Variants in TNIK observed in about 807,000 individuals in gnomAD.
TNIK encodes TRAF2 and NCK interacting kinase.
TNIK carries 49 observed loss-of-function variants against 191.3 expected under a neutral mutation model. The observed-to-expected ratio is 0.26, with a 90% confidence interval of 0.20 to 0.32. The LOEUF (loss-of-function observed/expected upper bound fraction) is 0.32. Ranked by LOEUF, TNIK falls within the 10% of genes least tolerant of loss-of-function variation. TNIK has a pLI of 1.00. For missense variants in TNIK, 1,155 were observed against 1,702.3 expected, an observed-to-expected ratio of 0.68 and a Z score of 5.66; for synonymous variants, 594 against 600.9, an observed-to-expected ratio of 0.99 and a Z score of 0.17.
At chr3:171,171,120 C>T (rs1411961846) in intron 9 of TNIK, among the ~76,000 whole-genome samples, 2 of 152,040 alleles carry the variant, frequency 1.3e-5, no homozygotes, top group African/African-American at 2.4e-5. Context: ...AATTATTTCA[C>T]GTATGGGTTA....
At chr3:171,130,833 T>G (rs2108591052) in intron 15 of TNIK, among the ~76,000 whole-genome samples, 1 of 152,138 alleles carries the variant, frequency 6.6e-6, no homozygotes, top group African/African-American at 2.4e-5. Context: ...ATATGCAGAG[T>G]GAGGAATACT....
At chr3:171,301,524 A>G (rs1752878386) in intron 2 of TNIK, among the ~76,000 whole-genome samples, 1 of 152,212 alleles carries the variant, frequency 6.6e-6, no homozygotes, top group African/African-American at 2.4e-5. Context: ...CATATTGACC[A>G]GGCTGGTCTC....
chr3:171,365,296 C>T (rs1222781267), intron 2 of TNIK, among the ~76,000 whole-genome samples: 1 of 146,990 alleles, frequency 6.8e-6, no homozygotes, highest in South Asian at 2.2e-4. Flanking sequence ...GATTTTCCTG[C>T]GTCAGCCTTC....
chr3:171,405,769 T>C (rs529986802), intron 1 of TNIK, among the ~76,000 whole-genome samples: 10 of 152,186 alleles, frequency 6.6e-5, no homozygotes, highest in Non-Finnish European at 1.2e-4. Flanking sequence ...AAGAGTATGA[T>C]ATCTTGGTAA....
At chr3:171,226,680 C>G (rs1024455786) in intron 3 of TNIK, among the ~76,000 whole-genome samples, 2 of 151,176 alleles carry the variant, frequency 1.3e-5, no homozygotes, top group Non-Finnish European at 3.0e-5. Flanking sequence ...ATATTTAAGA[C>G]AAATAAAAAG....
At chr3:171,440,985 G>T (rs1025984786) in intron 1 of TNIK, among the ~76,000 whole-genome samples, 1 of 152,112 alleles carries the variant, frequency 6.6e-6, no homozygotes, top group Non-Finnish European at 1.5e-5. Context: ...AATGATTATC[G>T]TTATGTTTGT....
At chr3:171,331,893 CATTTT>C (rs1372415630) in intron 2 of TNIK, among the ~76,000 whole-genome samples, 4 of 152,038 alleles carry the variant, frequency 2.6e-5, no homozygotes, top group Admixed American at 6.6e-5. Context: ...TAGAAAACCC[CATTTT>C]ATATTATTTT....
At chr3:171,094,043 T>C in intron 22 of TNIK, 75 bp from the exon 23 acceptor site, 1 of 1,527,934 alleles carries the variant, frequency 6.5e-7, no homozygotes, top group East Asian at 2.3e-5. Flanking sequence ...ATTCATTATT[T>C]TTGTTATGGT....
At chr3:171,240,192 C>T (rs1021192180) in intron 2 of TNIK, among the ~76,000 whole-genome samples, 6 of 152,136 alleles carry the variant, frequency 3.9e-5, no homozygotes, top group African/African-American at 1.2e-4. Context: ...CATCAGGGAT[C>T]GTGAGACGGG....
intron 2 of TNIK, among the ~76,000 whole-genome samples, chr3:171,333,253 A>G (rs1756585565): frequency 6.6e-6 from 1 of 152,066 alleles, no homozygotes; most frequent in African/African-American, 2.4e-5. Context: ...AAAAAGAAGA[A>G]GAATCTAAGA....
intron 1 of TNIK, among the ~76,000 whole-genome samples, chr3:171,418,899 C>T (rs1053078461): frequency 6.6e-6 from 1 of 152,134 alleles, no homozygotes; most frequent in Admixed American, 6.5e-5. Flanking sequence ...AATCTCAGAT[C>T]GTGGTCCAGC....
intron 7 of TNIK, among the ~76,000 whole-genome samples, chr3:171,184,828 C>G (rs561301320): frequency 1.1e-4 from 16 of 152,310 alleles, no homozygotes; most frequent in Admixed American, 2.0e-4. Flanking sequence ...TACTTTTTCT[C>G]TACAACCAGA....
chr3:171,377,022 G>T (rs1284208380), intron 1 of TNIK, among the ~76,000 whole-genome samples: 1 of 152,108 alleles, frequency 6.6e-6, no homozygotes, highest in Non-Finnish European at 1.5e-5. Flanking sequence ...TTACAATGTC[G>T]CATCCTGCGT....
rs1441704820 is a variant in TNIK, at chr3:171,159,849, C to G, written c.1016+1421G>C. Among the ~76,000 whole-genome samples the G allele has an allele frequency of 2.0e-5, 3 of 152,170 alleles. No homozygotes were observed. Among genetic ancestry groups the G allele is most frequent in the Non-Finnish European group, 4.4e-5 (3 of 68,040 alleles). On this transcript the variant is annotated intron_variant, in intron 11 of 32. Transcript: ENST00000436636. This position sits in a 1 kb window ranked among gnomAD's most constrained non-coding sequence, Gnocchi z 4.1. ...ACTTAAAGTATAATAACAACAACAA[C>G]AGGACTTGGAACATAATCTTCAGCA...
chr3:171,210,978 A>T, intron 4 of TNIK, 138 bp downstream of exon 4: 1 of 1,099,340 alleles, frequency 9.1e-7, no homozygotes. Flanking sequence ...AACCCTGAAA[A>T]CAATATGTTA....
At chr3:171,320,624 A>AC (rs397727439) in intron 2 of TNIK, among the ~76,000 whole-genome samples, 9 of 152,182 alleles carry the variant, frequency 5.9e-5, no homozygotes, top group East Asian at 1.9e-4. Flanking sequence ...ATGGAAAAAA[A>AC]CAAAAAATGT....
At chr3:171,065,865 C>T (rs1213024241) in intron 32 of TNIK, among the ~76,000 whole-genome samples, 4 of 152,236 alleles carry the variant, frequency 2.6e-5, no homozygotes, top group African/African-American at 9.6e-5. Flanking sequence ...AGTTGACCCA[C>T]TGTGAGATGA....
chr3:171,128,575 C>T, intron 16 of TNIK, 139 bp downstream of exon 16: 1 of 1,081,806 alleles, frequency 9.2e-7, no homozygotes, highest in Non-Finnish European at 1.2e-6. Flanking sequence ...GTGGGGCCAC[C>T]TATTTTACTA....
chr3:171,301,272 C>G (rs1354985143), intron 2 of TNIK, among the ~76,000 whole-genome samples: 2 of 150,680 alleles, frequency 1.3e-5, no homozygotes, highest in African/African-American at 4.9e-5. Context: ...AGCAAGCAGA[C>G]AGATACAGAA....
Sources: allele counts gnomAD v4.1 joint callset (sites outside exome capture counted in the v4.1 genomes callset), GRCh38; gene constraint gnomAD v4.1.1; non-coding constraint Gnocchi (gnomAD v3.1); transcripts MANE v1.5; gene names NCBI Gene and HGNC (gene_info 2026-07-23, HGNC 2026-07-21).